SKI: variants seen among roughly 807,000 people sequenced by gnomAD.
SKI encodes the protein SKI proto-oncogene.
A neutral mutation model predicts 59.3 loss-of-function variants in SKI; 23 were observed. The observed-to-expected ratio is 0.39, with a 90% CI of 0.28 to 0.55. SKI has a LOEUF of 0.55. Ranked by LOEUF, SKI falls within the 20% of genes least tolerant of loss-of-function variation. The pLI is 0.67. For missense variants in SKI, 1,017 were observed against 1,038.9 expected, an observed-to-expected ratio of 0.98 and a Z score of 0.29; for synonymous variants, 673 against 488.6, an observed-to-expected ratio of 1.38 and a Z score of -4.98.
chr1:2,252,619 G>T (rs192268301), intron 1 of SKI, among the ~76,000 whole-genome samples: 1 of 152,194 alleles, frequency 6.6e-6, no homozygotes, highest in African/African-American at 2.4e-5. Flanking sequence ...CCTTGCTCAC[G>T]GTCCTTTCTG....
intron 1 of SKI, among the ~76,000 whole-genome samples, chr1:2,285,868 AG>A (rs1473024783): frequency 5.6e-5 from 7 of 125,634 alleles, no homozygotes; most frequent in Non-Finnish European, 8.3e-5. Flanking sequence ...ACCAGCCAGA[AG>A]GTTTTTTTTT....
intron 1 of SKI, among the ~76,000 whole-genome samples, chr1:2,276,688 A>G (rs1462178752): frequency 2.0e-5 from 3 of 152,224 alleles, no homozygotes; most frequent in African/African-American, 7.2e-5. Context: ...GTGCACCCCA[A>G]CCTGGGGTGT....
rs556468288 is a variant in SKI, at chr1:2,277,493, G to A, written c.970-25485G>A. Reference sequence around the variant, plus strand: ...TTGCTTCCTCCTCATTTTTTCTCTTGCCGCTGCCATGTAAAAAGTGCCTTT... The same window carrying A: ...TTGCTTCCTCCTCATTTTTTCTCTTACCGCTGCCATGTAAAAAGTGCCTTT... On this transcript the variant is annotated intron_variant, in intron 1 of 6. Coordinates refer to ENST00000378536, the MANE Select transcript of SKI (RefSeq NM_003036.4). 4.1e-3 allele frequency among the ~76,000 whole-genome samples: 623 copies of A among 152,158 alleles called. 3 individuals are homozygous for A. Among genetic ancestry groups the A allele is most frequent in the African/African-American group, 0.015 (605 of 41,502 alleles).
intron 1 of SKI, among the ~76,000 whole-genome samples, chr1:2,287,368 G>A (rs1316926199): frequency 6.9e-6 from 1 of 145,766 alleles, no homozygotes; most frequent in Admixed American, 6.8e-5. Flanking sequence ...ACTGAGTCTG[G>A]CTCTGTCGCC....
intron 1 of SKI, among the ~76,000 whole-genome samples, chr1:2,272,076 C>G (rs1402618057): frequency 6.6e-6 from 1 of 152,216 alleles, no homozygotes; most frequent in Non-Finnish European, 1.5e-5. Context: ...CCACCTTGCT[C>G]TCTCTCCAGG....
At chr1:2,290,253 T>C (rs1640132378) in intron 1 of SKI, among the ~76,000 whole-genome samples, 1 of 152,106 alleles carries the variant, frequency 6.6e-6, no homozygotes, top group Non-Finnish European at 1.5e-5. Flanking sequence ...CTTCTCAGCC[T>C]CTTGAGAGGG....
chr1:2,309,632 G>A lies in SKI; in HGVS notation c.*2867G>A, dbSNP rs1389035176. On this transcript the variant is annotated 3_prime_UTR_variant, in exon 7 of 7. Coordinates refer to ENST00000378536, the MANE Select transcript of SKI (RefSeq NM_003036.4). ...GGAGAAACCCATGTGCGTTTCCCAT[G>A]TGACCCCCTCCTCCCTGTGGGTCTG... is the stretch of plus-strand genomic sequence containing the variant. 1 of 151,572 alleles carries A rather than the reference G, an allele frequency of 6.6e-6. No individual in the cohort carries two copies. The highest frequency in any genetic ancestry group is 1.5e-5 in the Non-Finnish European group (1 of 67,880). The allele number at this position is 151,572 out of a possible 1,614,324, so 9.4% of individuals were successfully genotyped here. A position where few individuals can be genotyped will look rare whatever the true frequency, so the allele number is the denominator to read the frequency against.
intron 1 of SKI, among the ~76,000 whole-genome samples, chr1:2,295,694 CTG>C (rs752095301): frequency 4.0e-5 from 6 of 150,120 alleles, no homozygotes; most frequent in African/African-American, 1.2e-4. Flanking sequence ...TCACACGTGA[CTG>C]TGTGTCCGGG....
chr1:2,300,419 C>T (rs1486199938), intron 1 of SKI, among the ~76,000 whole-genome samples: 13 of 151,836 alleles, frequency 8.6e-5, no homozygotes, highest in East Asian at 5.8e-4. Flanking sequence ...CAGAGGCAAG[C>T]GGTCGTAGCT....
At chr1:2,288,881 G>T (rs1569826365) in intron 1 of SKI, among the ~76,000 whole-genome samples, 1 of 152,214 alleles carries the variant, frequency 6.6e-6, no homozygotes, top group East Asian at 1.9e-4. Context: ...CCCGCCACGT[G>T]TGTGAGGCCT....
chr1:2,304,314 T>G lies in SKI; in HGVS notation c.1496T>G (p.Leu499Arg). The G allele has an allele frequency of 6.4e-7, 1 of 1,551,684 alleles. No individual in the cohort carries two copies. Among genetic ancestry groups the G allele is most frequent in the Non-Finnish European group, 8.7e-7 (1 of 1,146,920 alleles). Residue 499 changes from leucine (L) to arginine (R), a missense_variant, in exon 5 of 7, where the codon CTC (leucine) becomes CGC (arginine). Physicochemically the swap from Leu to Arg is moderately radical, Grantham distance 102. Transcript: ENST00000378536. ...REEFTSSLSS[L>R]SSPSFTSSSS... The stretch of plus-strand genomic sequence containing the variant: ...TCAGTCACCTCCTCCTTGTCCTCGC[T>G]CTCTTCCCCGTCCTTTACCTCATCC...
In SKI at chr1:2,229,328, G is replaced by A. The variant is rs377092419; in HGVS notation, c.562G>A (p.Ala188Thr). ...TKTDAERLCN[A>T]LLYGGAYPPP... ...GACGGACGCCGAGCGCCTGTGCAACGCGCTGCTCTACGGCGGCGCCTACCC... is the reference window on the plus strand; with the variant it reads ...GACGGACGCCGAGCGCCTGTGCAACACGCTGCTCTACGGCGGCGCCTACCC... The change falls in exon 1 of 7, where the codon GCG becomes ACG. Residue 188 changes from alanine (A) to threonine (T), a missense_variant. Transcript: ENST00000378536. The surrounding 1 kb of genome is among the most constrained non-coding windows in gnomAD (Gnocchi z 6.3). The A allele has an allele frequency of 5.2e-5, 83 of 1,596,728 alleles. No individual in the cohort carries two copies. The highest frequency in any genetic ancestry group is 6.8e-5 in the Non-Finnish European group (80 of 1,172,428).
rs1201147596 is a variant in SKI at position 2,309,147 on chromosome 1, A to C, written c.*2382A>C. On this transcript the variant is annotated 3_prime_UTR_variant, in exon 7 of 7. Transcript: ENST00000378536. The stretch of plus-strand genomic sequence containing the variant: ...AGCTGTGGCTGCAGGGCTGCTCTGG[A>C]CTGAGGGGTCCCAGGCCCCGAGGGG... 6.6e-6 allele frequency: 1 copy of C among 152,152 alleles called. No homozygotes were observed. The highest frequency in any genetic ancestry group is 1.5e-5 in the Non-Finnish European group (1 of 68,060). 9.4% of individuals were successfully genotyped at this position (152,152 alleles called of 1,614,324 possible).
chr1:2,277,127 C>T (rs149761881), intron 1 of SKI, among the ~76,000 whole-genome samples: 278 of 152,300 alleles, frequency 1.8e-3, no homozygotes, highest in African/African-American at 5.6e-3. Flanking sequence ...GCTGTTTAAA[C>T]CTTTCAAACT....
chr1:2,228,868 C>G lies in SKI; in HGVS notation c.102C>G (p.Gly34=). The change falls in exon 1 of 7, where the codon GGC becomes GGG. Residue 34 remains glycine, a synonymous_variant. Coordinates refer to ENST00000378536, the MANE Select transcript of SKI (RefSeq NM_003036.4). ...FHLSSMSSLG[G]PAAFSARWAQ... ...TGAGCTCCATGAGCTCGCTGGGCGG[C>G]CCGGCCGCTTTCTCGGCGCGCTGGG... 7.0e-7 allele frequency: 1 copy of G among 1,430,752 alleles called. No individual in the cohort carries two copies. Among genetic ancestry groups the G allele is most frequent in the East Asian group, 3.2e-5 (1 of 31,630 alleles). The allele number at this position is 1,430,752 out of a possible 1,614,324, so 88.6% of individuals were successfully genotyped here.
chr1:2,263,819 T>C (rs985597477), intron 1 of SKI, among the ~76,000 whole-genome samples: 1 of 149,166 alleles, frequency 6.7e-6, no homozygotes, highest in African/African-American at 2.5e-5. Context: ...TTCACCCATC[T>C]CTGTGCCACT....
In SKI at chr1:2,268,701, T is replaced by C. The variant is rs535684960; in HGVS notation, c.970-34277T>C. Reference sequence around the variant, plus strand: ...GAGTCTTTTTCTGGCCTGTGAGGGCTGCAGAGCAGCGTGCCCAGGGGCTGT... The same window carrying C: ...GAGTCTTTTTCTGGCCTGTGAGGGCCGCAGAGCAGCGTGCCCAGGGGCTGT... On this transcript the variant is annotated intron_variant, in intron 1 of 6. Transcript: ENST00000378536. The surrounding 1 kb of genome is among the most constrained non-coding windows in gnomAD (Gnocchi z 5.0). 6.6e-6 allele frequency among the ~76,000 whole-genome samples: 1 copy of C among 152,202 alleles called. No individual in the cohort carries two copies. Among genetic ancestry groups the C allele is most frequent in the African/African-American group, 2.4e-5 (1 of 41,454 alleles).
At chr1:2,272,108 G>A (rs917157833) in intron 1 of SKI, among the ~76,000 whole-genome samples, 4 of 152,290 alleles carry the variant, frequency 2.6e-5, no homozygotes, top group African/African-American at 4.8e-5. Flanking sequence ...CAAAGAGGCC[G>A]GGTCAAAAGG....
chr1:2,286,946 C>T (rs1389288562), intron 1 of SKI, among the ~76,000 whole-genome samples: 1 of 152,238 alleles, frequency 6.6e-6, no homozygotes, highest in African/African-American at 2.4e-5. Flanking sequence ...TGAAACTGTT[C>T]AGAATGCCAA....
Sources: gnomAD v4.1 joint callset for allele counts (sites outside exome capture counted in the v4.1 genomes callset) on GRCh38, gnomAD v4.1.1 for gene constraint, Gnocchi (gnomAD v3.1) non-coding constraint, MANE v1.5 for transcripts, NCBI Gene and HGNC (gene_info 2026-07-23, HGNC 2026-07-21) for gene names.